NKAIN3: variants seen among roughly 807,000 people sequenced by gnomAD.
NKAIN3 encodes the protein sodium/potassium-transporting ATPase subunit beta-1-interacting protein 3.
Under a neutral mutation model 30.2 loss-of-function variants are expected in NKAIN3, and 25 were observed. That is an observed-to-expected ratio of 0.83 (90% CI 0.60 to 1.16). The LOEUF is 1.16. Among genes scored for constraint, NKAIN3 ranks in the 50% most tolerant of loss-of-function variants. NKAIN3 has a pLI of 0.00. For synonymous variants in NKAIN3, 91 were observed against 89.6 expected, an observed-to-expected ratio of 1.02 and a Z score of -0.09; for missense variants, 225 against 254.1, an observed-to-expected ratio of 0.89 and a Z score of 0.78.
intron 3 of NKAIN3, among the ~76,000 whole-genome samples, chr8:62,616,068 T>C (rs373963682): frequency 6.6e-6 from 1 of 152,202 alleles, no homozygotes; most frequent in East Asian, 1.9e-4. Flanking sequence ...CCTGAAATTC[T>C]TCTAATTTAA....
intron 4 of NKAIN3, among the ~76,000 whole-genome samples, chr8:62,748,611 G>T (rs933719012): frequency 6.6e-6 from 1 of 152,132 alleles, no homozygotes; most frequent in Admixed American, 6.5e-5. Flanking sequence ...TCTTGAATTT[G>T]CATGTCTCAA....
At chr8:62,383,622 T>C (rs2129594094) in intron 1 of NKAIN3, 1 of 427,426 alleles carries the variant, frequency 2.3e-6, no homozygotes, top group African/African-American at 2.1e-5. Context: ...AGCCAAGTGC[T>C]TTTCTAAAAT....
intron 1 of NKAIN3, among the ~76,000 whole-genome samples, chr8:62,366,435 C>T (rs1585728118): frequency 6.6e-6 from 1 of 151,986 alleles, no homozygotes; most frequent in Admixed American, 6.6e-5. Context: ...CTATGTTGGC[C>T]GAGCTGGTCT....
At chr8:62,564,283 T>G (rs1809678412) in intron 1 of NKAIN3, among the ~76,000 whole-genome samples, 2 of 152,148 alleles carry the variant, frequency 1.3e-5, no homozygotes, top group Non-Finnish European at 2.9e-5. Context: ...TTCACATCCA[T>G]GCCATCTCCA....
chr8:62,332,762 C>T (rs1352002861), intron 1 of NKAIN3, among the ~76,000 whole-genome samples: 7 of 152,254 alleles, frequency 4.6e-5, no homozygotes, highest in African/African-American at 1.4e-4. Flanking sequence ...GTGGCTCACA[C>T]TTACAGTCTC....
At chr8:62,369,460 C>T (rs978178680) in intron 1 of NKAIN3, among the ~76,000 whole-genome samples, 1 of 151,918 alleles carries the variant, frequency 6.6e-6, no homozygotes, top group Non-Finnish European at 1.5e-5. Flanking sequence ...ACTCCTTTTC[C>T]CTTGCATGTT....
intron 3 of NKAIN3, among the ~76,000 whole-genome samples, chr8:62,700,305 A>G (rs1375724537): frequency 6.6e-6 from 1 of 152,242 alleles, no homozygotes; most frequent in East Asian, 1.9e-4. Context: ...TACACAGGGT[A>G]AAATAAAGAG....
intron 3 of NKAIN3, among the ~76,000 whole-genome samples, chr8:62,739,767 T>C (rs1710796083): frequency 6.6e-6 from 1 of 152,154 alleles, no homozygotes; most frequent in South Asian, 2.1e-4. Context: ...TGGTAAAGAA[T>C]TGAAAAATTC....
intron 3 of NKAIN3, among the ~76,000 whole-genome samples, chr8:62,731,850 C>G (rs1435830869): frequency 6.6e-6 from 1 of 152,098 alleles, no homozygotes; most frequent in African/African-American, 2.4e-5. Context: ...AGCACTTCCT[C>G]AAAAATTCAC....
chr8:62,713,084 C>T (rs186948574), intron 3 of NKAIN3, among the ~76,000 whole-genome samples: 11 of 152,238 alleles, frequency 7.2e-5, no homozygotes, highest in Admixed American at 2.6e-4. Flanking sequence ...TGGGGTGTCT[C>T]CTGGGTCATG....
intron 3 of NKAIN3, among the ~76,000 whole-genome samples, chr8:62,728,849 G>A (rs1586135894): frequency 1.3e-5 from 2 of 150,394 alleles, no homozygotes; most frequent in East Asian, 3.9e-4. Flanking sequence ...AATTAGCCAG[G>A]CGTGGTGGCG....
chr8:62,430,034 C>T (rs528574512), intron 1 of NKAIN3, among the ~76,000 whole-genome samples: 24 of 151,930 alleles, frequency 1.6e-4, no homozygotes, highest in African/African-American at 5.8e-4. Flanking sequence ...ACAACTTTCA[C>T]TTTCTCTGTG....
chr8:62,813,699 A>T (rs1278993896), intron 4 of NKAIN3, among the ~76,000 whole-genome samples: 1 of 151,726 alleles, frequency 6.6e-6, no homozygotes, highest in Non-Finnish European at 1.5e-5. Context: ...TTTCATAGTG[A>T]TAACATTTTA....
chr8:62,780,443 A>C (rs1299087357), intron 4 of NKAIN3, among the ~76,000 whole-genome samples: 3 of 152,142 alleles, frequency 2.0e-5, no homozygotes, highest in Non-Finnish European at 4.4e-5. Flanking sequence ...CTACAATGAT[A>C]GCATCATCCT....
At chr8:62,790,223 C>T (rs948383442) in intron 4 of NKAIN3, among the ~76,000 whole-genome samples, 1 of 152,148 alleles carries the variant, frequency 6.6e-6, no homozygotes, top group Non-Finnish European at 1.5e-5. Flanking sequence ...ACATGATTAT[C>T]TCAGTAGATG....
intron 1 of NKAIN3, among the ~76,000 whole-genome samples, chr8:62,574,043 C>T (rs1001847047): frequency 6.6e-6 from 1 of 152,130 alleles, no homozygotes; most frequent in Non-Finnish European, 1.5e-5. Flanking sequence ...CCTTCTCAGC[C>T]TCCGGAAGCT....
intron 1 of NKAIN3, among the ~76,000 whole-genome samples, chr8:62,458,116 T>G (rs1300854251): frequency 2.6e-5 from 4 of 152,152 alleles, no homozygotes; most frequent in Non-Finnish European, 5.9e-5. Flanking sequence ...CAAAGCATAT[T>G]ATCACCTTTC....
At chr8:62,640,337 G>A (rs1241329982) in intron 3 of NKAIN3, among the ~76,000 whole-genome samples, 4 of 152,012 alleles carry the variant, frequency 2.6e-5, no homozygotes, top group African/African-American at 7.2e-5. Flanking sequence ...TTTATAAGGG[G>A]CTCTTCCCCC....
downstream of NKAIN3, among the ~76,000 whole-genome samples, chr8:62,988,808 C>T (rs373869731): frequency 1.3e-5 from 2 of 152,340 alleles, no homozygotes; most frequent in South Asian, 4.1e-4. Flanking sequence ...TTTCTGCAGA[C>T]AGCTTCAATT....
Sources: gnomAD v4.1 joint callset for allele counts (sites outside exome capture counted in the v4.1 genomes callset) on GRCh38, gnomAD v4.1.1 for gene constraint, MANE v1.5 for transcripts, NCBI Gene and HGNC (gene_info 2026-07-23, HGNC 2026-07-21) for gene names.